Variants in EPB41L2 observed in about 807,000 individuals in gnomAD.
The protein encoded by EPB41L2 is erythrocyte membrane protein band 4.1 like 2.
EPB41L2 carries 43 observed loss-of-function variants against 113.0 expected under a neutral mutation model. The observed-to-expected ratio is 0.38, with a 90% CI of 0.30 to 0.49. The LOEUF (loss-of-function observed/expected upper bound fraction) is 0.49. Among genes scored for constraint, EPB41L2 ranks in the 20% least tolerant of loss-of-function variants. The pLI, the probability that EPB41L2 is intolerant of heterozygous loss-of-function variation, is 0.95. For synonymous variants in EPB41L2, 442 were observed against 436.7 expected (o/e 1.01, Z -0.15); for missense variants, 1,147 against 1,223.4 (o/e 0.94, Z 0.93).
chr6:130,884,142 C>G, intron 12 of EPB41L2, among the ~76,000 whole-genome samples: 1 of 152,042 alleles, frequency 6.6e-6, no homozygotes, highest in Non-Finnish European at 1.5e-5. Context: ...CAAGATGAGC[C>G]TGACCAACAC....
At chr6:130,968,028 C>T (rs1775784956) in intron 1 of EPB41L2, among the ~76,000 whole-genome samples, 1 of 152,192 alleles carries the variant, frequency 6.6e-6, no homozygotes, top group South Asian at 2.1e-4. Context: ...TTCCTAAGCT[C>T]ACCCCACAAC....
intron 4 of EPB41L2, 25 bp from the exon 5 acceptor site, chr6:130,908,888 C>T: frequency 6.4e-7 from 1 of 1,557,734 alleles, no homozygotes; most frequent in East Asian, 2.2e-5. Context: ...AAAATTAATT[C>T]ATAAGAAATA....
chr6:130,892,403 C>CTTTTTTTTTTTTATTTT (rs1793215284), intron 10 of EPB41L2, among the ~76,000 whole-genome samples: 1 of 92,640 alleles, frequency 1.1e-5, no homozygotes, highest in Non-Finnish European at 2.4e-5. Flanking sequence ...CAGATTATTG[C>CTTTTTTTTTTTTATTTT]TTTTTTTTTT....
At chr6:130,895,457 G>A (rs900649875) in intron 8 of EPB41L2, among the ~76,000 whole-genome samples, 12 of 152,132 alleles carry the variant, frequency 7.9e-5, no homozygotes, top group Non-Finnish European at 1.6e-4. Context: ...CTGAAGATAC[G>A]GGAAATAAAA....
intron 1 of EPB41L2, among the ~76,000 whole-genome samples, chr6:131,018,409 C>T (rs2128734954): frequency 6.6e-6 from 1 of 152,096 alleles, no homozygotes; most frequent in South Asian, 2.1e-4. Flanking sequence ...GGCACAAAAT[C>T]AGGGTTGTGT....
intron 13 of EPB41L2, among the ~76,000 whole-genome samples, chr6:130,879,520 C>T (rs1310636494): frequency 6.6e-6 from 1 of 152,174 alleles, no homozygotes; most frequent in African/African-American, 2.4e-5. Context: ...AAAATGTTCT[C>T]ACGTGACACG....
chr6:130,955,655 C>G (rs1005905907), intron 2 of EPB41L2, among the ~76,000 whole-genome samples: 1 of 152,138 alleles, frequency 6.6e-6, no homozygotes, highest in Non-Finnish European at 1.5e-5. Flanking sequence ...AACTAAAATG[C>G]GCACACACAA....
rs117153695 is a variant in EPB41L2, at chr6:131,061,646, T to C, written c.-15+1509A>G. On this transcript the variant is annotated intron_variant, in intron 1 of 19. Transcript: ENST00000337057. ...TATTCGTTCCCCCACTGAAACCTGT[T>C]CAAAGCTTGAGAATTCTAAATCCTA... Among the ~76,000 whole-genome samples the C allele has an allele frequency of 1.1e-3, 161 of 152,286 alleles. 5 individuals are homozygous for C. The East Asian group carries it at 0.029, about 27-fold the overall frequency.
intron 5 of EPB41L2, among the ~76,000 whole-genome samples, chr6:130,907,558 G>A (rs942658728): frequency 1.3e-5 from 2 of 151,890 alleles, no homozygotes; most frequent in African/African-American, 2.4e-5. Context: ...TCAGTCCTGG[G>A]CAAATCAGGA....
intron 3 of EPB41L2, among the ~76,000 whole-genome samples, chr6:130,933,953 G>A (rs1002011464): frequency 2.0e-5 from 3 of 152,166 alleles, no homozygotes; most frequent in East Asian, 1.9e-4. Context: ...CTGAGGAGAC[G>A]ATGATGGGAA....
At chr6:130,899,636 G>T in intron 7 of EPB41L2, 58 bp from the exon 8 acceptor site, 2 of 1,480,946 alleles carry the variant, frequency 1.4e-6, no homozygotes, top group African/African-American at 1.4e-5. Context: ...AATGTAGTCA[G>T]AATGGGAGGA....
intron 1 of EPB41L2, among the ~76,000 whole-genome samples, chr6:131,034,711 A>T (rs568039729): frequency 3.6e-4 from 55 of 152,258 alleles, no homozygotes; most frequent in African/African-American, 1.2e-3. Flanking sequence ...CATTCATTTT[A>T]AAAAAGGTTA....
chr6:130,915,747 C>T (rs769170660), intron 4 of EPB41L2, among the ~76,000 whole-genome samples: 1 of 152,124 alleles, frequency 6.6e-6, no homozygotes, highest in Non-Finnish European at 1.5e-5. Flanking sequence ...GATCTTCATG[C>T]TGTCTCATGA....
At chr6:130,914,990 G>A (rs1056448861) in intron 4 of EPB41L2, among the ~76,000 whole-genome samples, 1 of 152,192 alleles carries the variant, frequency 6.6e-6, no homozygotes, top group African/African-American at 2.4e-5. Flanking sequence ...ATTAAAATGT[G>A]GCCTTAGAAT....
chr6:130,906,367 G>T (rs746921207), intron 5 of EPB41L2, among the ~76,000 whole-genome samples: 1 of 151,964 alleles, frequency 6.6e-6, no homozygotes, highest in Non-Finnish European at 1.5e-5. Flanking sequence ...TACAAAATAT[G>T]ATATTTTAAA....
chr6:130,943,268 G>T (rs1046916662), intron 3 of EPB41L2, among the ~76,000 whole-genome samples: 1 of 152,170 alleles, frequency 6.6e-6, no homozygotes, highest in African/African-American at 2.4e-5. Flanking sequence ...GTTGTCTCCT[G>T]ACTTTTTAAT....
chr6:131,043,265 C>A (rs1014350561), intron 1 of EPB41L2, among the ~76,000 whole-genome samples: 1 of 152,180 alleles, frequency 6.6e-6, no homozygotes, highest in East Asian at 1.9e-4. Context: ...CTCGCCGCTG[C>A]ACTCCAGCCT....
At chr6:131,023,145 G>C (rs987862640) in intron 1 of EPB41L2, among the ~76,000 whole-genome samples, 20 of 152,140 alleles carry the variant, frequency 1.3e-4, no homozygotes, top group African/African-American at 4.8e-4. Context: ...ATAAAATAAT[G>C]CAAAGTATTC....
chr6:130,869,943 T>A lies in EPB41L2; in HGVS notation c.2227A>T (p.Ser743Cys), dbSNP rs376210129. ...TCCTCCTCACTCTCACTGCTGCTGCTGCTGCTCTCAGAAGACAGGGAGGTG... is the reference window on the plus strand; with the variant it reads ...TCCTCCTCACTCTCACTGCTGCTGCAGCTGCTCTCAGAAGACAGGGAGGTG... ...DSTSLSSESS[S>C]SSSESEEEDV... is the part of the protein sequence containing the mutation. The change falls in exon 15 of 20, where the codon AGC becomes TGC. Residue 743 changes from serine (S) to cysteine (C), a missense_variant. Transcript: ENST00000337057. 14 of 1,613,428 alleles carry A rather than the reference T, an allele frequency of 8.7e-6. No homozygotes were observed. In the South Asian group the frequency reaches 9.9e-5, roughly 11 times the overall value.
Sources: gnomAD v4.1 joint callset for allele counts (sites outside exome capture counted in the v4.1 genomes callset) on GRCh38, gnomAD v4.1.1 for gene constraint, MANE v1.5 for transcripts, NCBI Gene and HGNC (gene_info 2026-07-23, HGNC 2026-07-21) for gene names.